CD63: variants seen among roughly 807,000 people sequenced by gnomAD.
CD63 encodes the protein CD63 antigen.
CD63 carries 16 observed loss-of-function variants against 29.2 expected under a neutral mutation model. The observed-to-expected ratio is 0.55, with a 90% CI of 0.37 to 0.83. CD63 has a LOEUF of 0.83. Ranked by LOEUF, CD63 falls within the 40% of genes least tolerant of loss-of-function variation. The pLI, the probability that CD63 is intolerant of heterozygous loss-of-function variation, is 0.00. For synonymous variants in CD63, 118 were observed against 111.7 expected (o/e 1.06, Z -0.36); for missense variants, 251 against 297.3 (o/e 0.84, Z 1.15).
chr12:55,728,403 C>G lies in CD63; in HGVS notation c.-11-51G>C. On this transcript the variant is annotated intron_variant, in intron 1 of 7. Transcript: ENST00000257857. The surrounding 1 kb of genome is among the most constrained non-coding windows in gnomAD (Gnocchi z 4.8). ...ATTAAAACTGGCCGAAGGGGGACCT[C>G]GGTTTCCGGGCTCCCGGCCGGCCCT... 1 of 1,565,772 alleles carries G rather than the reference C, an allele frequency of 6.4e-7. No individual in the cohort carries two copies. The highest frequency in any genetic ancestry group is 1.2e-5 in the South Asian group (1 of 85,438).
At chr12:55,727,032 C>T in intron 3 of CD63, 68 bp from the exon 4 acceptor site, 3 of 1,574,894 alleles carry the variant, frequency 1.9e-6, no homozygotes, top group Non-Finnish European at 2.6e-6. Flanking sequence ...TTGGCACAGC[C>T]GGTCCCTGGA....
rs1240057704 is a variant in CD63, at chr12:55,726,160, G to A, written c.528C>T (p.Gly176=). Residue 176 remains glycine (G), a synonymous_variant, in exon 6 of 8, where the codon GGC becomes GGT. Coordinates refer to ENST00000257857, the MANE Select transcript of CD63 (RefSeq NM_001780.6). ...CCTTCTCGTTGAAATTAATCCCACA[G>A]CCCACAGTAACATTAATGCAGCAGG... ...PDSCCINVTV[G]CGINFNEKAI... 4.3e-6 allele frequency: 7 copies of A among 1,613,714 alleles called. No individual in the cohort carries two copies. The Admixed American group carries it at 1.0e-4, about 23-fold the overall frequency.
chr12:55,724,437 A>C (rs748459934), downstream of CD63: 19 of 1,614,066 alleles, frequency 1.2e-5, no homozygotes, highest in Non-Finnish European at 1.6e-5. Flanking sequence ...GCTACAGCCC[A>C]GGTTGGGATG....
chr12:55,726,457 G>A, intron 5 of CD63, 196 bp from the exon 6 acceptor site: 1 of 617,586 alleles, frequency 1.6e-6, no homozygotes, highest in Non-Finnish European at 2.8e-6. Context: ...CGATTCTCCT[G>A]CCTCACCCTC....
chr12:55,726,784 C>T lies in CD63; in HGVS notation c.342G>A (p.Glu114=). Residue 114 remains glutamate, a synonymous_variant, in exon 5 of 8, where the codon GAG becomes GAA. Transcript: ENST00000257857. Reference sequence around the variant, plus strand: ...TCTGCTGCCGGAAGTTGTTATTAAACTCTGACATCACCTGAGAGTACGGAG... The same window carrying T: ...TCTGCTGCCGGAAGTTGTTATTAAATTCTGACATCACCTGAGAGTACGGAG... The part of the protein sequence containing the change: ...GYVFRDKVMS[E]FNNNFRQQME... The T allele has an allele frequency of 1.2e-6, 2 of 1,613,844 alleles. No individual in the cohort carries two copies. Among genetic ancestry groups the T allele is most frequent in the Non-Finnish European group, 1.7e-6 (2 of 1,179,698 alleles).
chr12:55,723,843 T>C (rs987843581), downstream of CD63: 3 of 1,608,472 alleles, frequency 1.9e-6, no homozygotes, highest in Admixed American at 3.3e-5. Flanking sequence ...GTCCCCTCCC[T>C]ATAGGGCAAG....
rs1476955711 is a variant in CD63, at chr12:55,725,441, A to G, written c.*120T>C. The stretch of plus-strand genomic sequence containing the variant: ...CAGTAAGGAAAGGAAGGAATCAAGC[A>G]TCACTCTAAGACAAACTCAGACCAT... On this transcript the variant is annotated 3_prime_UTR_variant, in exon 8 of 8. Transcript: ENST00000257857. 2 of 820,734 alleles carry G rather than the reference A, an allele frequency of 2.4e-6. No individual in the cohort carries two copies. Among genetic ancestry groups the G allele is most frequent in the East Asian group, 4.9e-5 (2 of 40,950 alleles). 50.8% of individuals were successfully genotyped at this position (820,734 alleles called of 1,614,324 possible).
In CD63 at chr12:55,728,560, G is replaced by C. The variant is rs1877678619; in HGVS notation, c.-11-208C>G. ...GCGACGGCCGCGAAGCCCGGACCCC[G>C]CCCCGCCGCCTCTGGGGCCCAGGAC... On this transcript the variant is annotated intron_variant, in intron 1 of 7. Transcript: ENST00000257857. This position sits in a 1 kb window ranked among gnomAD's most constrained non-coding sequence, Gnocchi z 4.8. 2 of 1,423,928 alleles carry C rather than the reference G, an allele frequency of 1.4e-6. No individual in the cohort carries two copies. Among genetic ancestry groups the C allele is most frequent in the African/African-American group, 1.4e-5 (1 of 69,284 alleles). 88.2% of individuals were successfully genotyped at this position (1,423,928 alleles called of 1,614,324 possible).
chr12:55,724,146 G>C, downstream of CD63: 1 of 1,503,322 alleles, frequency 6.7e-7, no homozygotes, highest in Non-Finnish European at 9.0e-7. Flanking sequence ...GGGGCACCCA[G>C]GGCAGGGTTG....
downstream of CD63, chr12:55,724,288 G>A (rs1351577584): frequency 1.2e-6 from 2 of 1,610,860 alleles, no homozygotes; most frequent in South Asian, 1.1e-5. Context: ...GAGTGAGGAA[G>A]GGAAACTGAT....
Position 55,725,536 on chromosome 12 carries a change from TGAG to T in CD63, c.*22_*24del, listed in dbSNP as rs748229397. On this transcript the variant is annotated 3_prime_UTR_variant, in exon 8 of 8. Transcript: ENST00000257857. ...GAGGATACTATTCCACTCCCCCAGA[TGAG>T]GAGGCTGAGGAGACCAGACCCCTAC... 5.7e-6 allele frequency: 9 copies of T among 1,581,364 alleles called. No individual in the cohort carries two copies. In the Admixed American group the frequency reaches 1.5e-4, roughly 26 times the overall value.
At chr12:55,724,587 CTTTGA>C (rs776783716), downstream of CD63, 9 of 1,574,924 alleles carry the variant, frequency 5.7e-6, no homozygotes, top group South Asian at 8.8e-5. Flanking sequence ...AGGACAAGGA[CTTTGA>C]TTTATTTCTG....
downstream of CD63, chr12:55,723,648 ACT>A (rs762370472): frequency 7.5e-6 from 4 of 536,272 alleles, no homozygotes; most frequent in Non-Finnish European, 1.3e-5. Context: ...TAAAATATTA[ACT>A]CTCTGGCCCT....
Position 55,727,245 on chromosome 12 carries a change from G to T in CD63, c.161C>A (p.Pro54Gln), listed in dbSNP as rs1877506573. Residue 54 changes from proline to glutamine, a missense_variant, in exon 3 of 8, where the codon CCA becomes CAA. Transcript: ENST00000257857. Reference protein sequence around the residue: ...IQGATPGSLLPVVIIAVGVFL... With the variant: ...IQGATPGSLLQVVIIAVGVFL... ...GACACCCACTGCGATGATGACCACT[G>T]GCAACAGAGAGCCAGGGGTAGCCCC... is the stretch of plus-strand genomic sequence containing the variant. 6.2e-7 allele frequency: 1 copy of T among 1,613,904 alleles called. No individual in the cohort carries two copies. Among genetic ancestry groups the T allele is most frequent in the Non-Finnish European group, 8.5e-7 (1 of 1,180,000 alleles).
Position 55,727,250 on chromosome 12 carries a change from C to G in CD63, c.156G>C (p.Leu52=), listed in dbSNP as rs1018461633. The G allele has an allele frequency of 6.2e-7, 1 of 1,613,936 alleles. No homozygotes were observed. The highest frequency in any genetic ancestry group is 8.5e-7 in the Non-Finnish European group (1 of 1,180,014). Reference sequence around the variant, plus strand: ...CCACTGCGATGATGACCACTGGCAACAGAGAGCCAGGGGTAGCCCCCTGGA... The same window carrying G: ...CCACTGCGATGATGACCACTGGCAAGAGAGAGCCAGGGGTAGCCCCCTGGA... ...TIIQGATPGS[L]LPVVIIAVGV... Residue 52 remains leucine (L), a synonymous_variant, in exon 3 of 8, where the codon CTG becomes CTC. Coordinates refer to ENST00000257857, the MANE Select transcript of CD63 (RefSeq NM_001780.6).
chr12:55,724,346 T>C, downstream of CD63: 2 of 1,614,196 alleles, frequency 1.2e-6, no homozygotes, highest in South Asian at 1.1e-5. Flanking sequence ...CAGCGCATCA[T>C]GAACCTGATC....
At chr12:55,723,657 C>A, downstream of CD63, 1 of 558,370 alleles carries the variant, frequency 1.8e-6, no homozygotes, top group South Asian at 2.0e-5. Flanking sequence ...AACTCTCTGG[C>A]CCTTTAAGAA....
chr12:55,728,154 T>A lies in CD63; in HGVS notation c.66+122A>T. The A allele has an allele frequency of 1.0e-6, 1 of 971,614 alleles. No individual in the cohort carries two copies. The highest frequency in any genetic ancestry group is 1.6e-6 in the Non-Finnish European group (1 of 631,242). The allele number at this position is 971,614 out of a possible 1,614,324, so 60.2% of individuals were successfully genotyped here. On this transcript the variant is annotated intron_variant, in intron 2 of 7. Coordinates refer to ENST00000257857, the MANE Select transcript of CD63 (RefSeq NM_001780.6). This position sits in a 1 kb window ranked among gnomAD's most constrained non-coding sequence, Gnocchi z 4.8. ...AGGGAGTGGCTGCGCTGTCTTTCCC[T>A]GGCTTTCTTTCCACATCTGGTCTCC...
At chr12:55,725,682 A>G in intron 7 of CD63, 56 bp from the exon 8 acceptor site, 2 of 1,555,948 alleles carry the variant, frequency 1.3e-6, no homozygotes, top group Non-Finnish European at 1.8e-6. Context: ...TAGCTACCTC[A>G]GACCCATGCA....
Sources: gnomAD v4.1 joint callset for allele counts on GRCh38, gnomAD v4.1.1 for gene constraint, Gnocchi (gnomAD v3.1) non-coding constraint, MANE v1.5 for transcripts, NCBI Gene and HGNC (gene_info 2026-07-23, HGNC 2026-07-21) for gene names.